Variants in CDHR3 observed in about 807,000 individuals in gnomAD.
CDHR3 encodes the protein cadherin related family member 3.
A neutral mutation model predicts 86.6 loss-of-function variants in CDHR3; 79 were observed. The ratio of observed to expected loss-of-function variants is 0.91; its 90% CI spans 0.76 to 1.10. The LOEUF (loss-of-function observed/expected upper bound fraction) is 1.10. Ranked by LOEUF, CDHR3 falls within the 50% of genes least tolerant of loss-of-function variation. The pLI, the probability that CDHR3 is intolerant of heterozygous loss-of-function variation, is 0.00. For missense variants in CDHR3, 1,081 were observed against 1,077.6 expected, an observed-to-expected ratio of 1.00 and a Z score of -0.04; for synonymous variants, 421 against 402.4, an observed-to-expected ratio of 1.05 and a Z score of -0.55.
rs549627380 is a variant in CDHR3, at chr7:106,032,911, A to G, written c.*214A>G. ...CTGAAATGATACAGGAACATTTTCT[A>G]TCAGATTTCAGAACTACCTGTGCTT... On this transcript the variant is annotated 3_prime_UTR_variant, in exon 19 of 19. Transcript: ENST00000317716. The G allele has an allele frequency of 1.6e-5, 9 of 547,272 alleles. No homozygotes were observed. The East Asian group carries it at 2.6e-4, about 16-fold the overall frequency. 33.9% of individuals were successfully genotyped at this position (547,272 alleles called of 1,614,324 possible).
rs778114183 is a variant in CDHR3, at chr7:106,030,770, G to A, written c.2305-22G>A. 1 of 1,605,548 alleles carries A rather than the reference G, an allele frequency of 6.2e-7. No individual in the cohort carries two copies. On this transcript the variant is annotated intron_variant, in intron 17 of 18. Transcript: ENST00000317716. This position sits in a 1 kb window ranked among gnomAD's most constrained non-coding sequence, Gnocchi z 4.8. ...GAAGGAATGTAGGATTGTGTTTGAT[G>A]CTGTCTCTGTCTTCTCCTTAGGAAA...
intron 12 of CDHR3, among the ~76,000 whole-genome samples, chr7:106,018,783 C>T (rs1448324313): frequency 6.6e-6 from 1 of 152,120 alleles, no homozygotes; most frequent in African/African-American, 2.4e-5. Flanking sequence ...CCTACCCTGC[C>T]TCTATGCATA....
At chr7:106,024,340 T>C (rs1457156739) in intron 14 of CDHR3, 41 bp from the exon 15 acceptor site, 1 of 1,573,718 alleles carries the variant, frequency 6.4e-7, no homozygotes, top group African/African-American at 1.3e-5. Context: ...TCAAAATCAC[T>C]ACCACCCTCT....
intron 4 of CDHR3, among the ~76,000 whole-genome samples, chr7:105,993,432 G>C (rs1831666309): frequency 6.6e-6 from 1 of 151,990 alleles, no homozygotes; most frequent in Non-Finnish European, 1.5e-5. Flanking sequence ...CACTCAGGGA[G>C]GCAGAGGCAG....
In CDHR3 at chr7:106,032,884, T is replaced by C. The variant is rs73721905; in HGVS notation, c.*187T>C. 1,339 of 584,082 alleles carry C rather than the reference T, an allele frequency of 2.3e-3. 9 individuals are homozygous for C. Among genetic ancestry groups the C allele is most frequent in the African/African-American group, 0.023 (1,223 of 53,972 alleles). The allele number at this position is 584,082 out of a possible 1,614,324, so 36.2% of individuals were successfully genotyped here. A position where few individuals can be genotyped will look rare whatever the true frequency, so the allele number is the denominator to read the frequency against. On this transcript the variant is annotated 3_prime_UTR_variant, in exon 19 of 19. Coordinates refer to ENST00000317716, the MANE Select transcript of CDHR3 (RefSeq NM_152750.5). ...AGGGGTTTGATCACATAGTTGCGTG[T>C]TCTGAAATGATACAGGAACATTTTC...
rs1838747115 is a variant in CDHR3 at position 106,034,446 on chromosome 7, G to A, written c.*1749G>A. On this transcript the variant is annotated 3_prime_UTR_variant, in exon 19 of 19. Coordinates refer to ENST00000317716, the MANE Select transcript of CDHR3 (RefSeq NM_152750.5). ...CAAATGTAGAGCTTCAGAGAGAGCA[G>A]CAGCTTGTTTACTGTGTGCCTAGTG... Among the ~76,000 whole-genome samples, 1 of 152,194 alleles carries A rather than the reference G, an allele frequency of 6.6e-6. No homozygotes were observed. The highest frequency in any genetic ancestry group is 6.5e-5 in the Admixed American group (1 of 15,286).
At position 106,022,446 on chromosome 7, in the gene CDHR3, A is replaced by AGGGT; in HGVS notation, c.2075_2076+2dup. The AGGGT allele has an allele frequency of 6.2e-7, 1 of 1,613,338 alleles. No individual in the cohort carries two copies. Among genetic ancestry groups the AGGGT allele is most frequent in the Non-Finnish European group, 8.5e-7 (1 of 1,179,396 alleles). On this transcript the variant is annotated frameshift_variant and splice_region_variant, in exon 14 of 19. Transcript: ENST00000317716. LOFTEE classifies it high-confidence loss of function. Reference sequence around the variant, plus strand: ...AACCACTATCATCACCACGACCCCCAGGGTAAGGGCTTTAGGACCTGGAAT... The same window carrying AGGGT: ...AACCACTATCATCACCACGACCCCCAGGGTGGGTAAGGGCTTTAGGACCTGGAAT...
chr7:105,983,616 T>C (rs1830098880), intron 3 of CDHR3, among the ~76,000 whole-genome samples: 1 of 152,134 alleles, frequency 6.6e-6, no homozygotes, highest in Non-Finnish European at 1.5e-5. Context: ...TACCGCCTGC[T>C]CCTCCCTCCT....
intron 1 of CDHR3, among the ~76,000 whole-genome samples, chr7:105,964,321 G>A (rs2115574246): frequency 6.6e-6 from 1 of 152,016 alleles, no homozygotes; most frequent in East Asian, 1.9e-4. Context: ...ACTGATTATT[G>A]TATGATGTAT....
At chr7:105,992,694 T>C (rs928680112) in intron 4 of CDHR3, among the ~76,000 whole-genome samples, 2 of 152,188 alleles carry the variant, frequency 1.3e-5, no homozygotes, top group Admixed American at 1.3e-4. Context: ...AGAATAGGGG[T>C]AAATGCTCAA....
At chr7:105,991,117 G>A (rs1046140632) in intron 4 of CDHR3, among the ~76,000 whole-genome samples, 1 of 152,186 alleles carries the variant, frequency 6.6e-6, no homozygotes, top group African/African-American at 2.4e-5. Flanking sequence ...AGCCAGGACT[G>A]GGGGCAGAGA....
chr7:106,010,748 C>T (rs1037188274), intron 8 of CDHR3, among the ~76,000 whole-genome samples: 3 of 152,070 alleles, frequency 2.0e-5, no homozygotes, highest in Non-Finnish European at 4.4e-5. Flanking sequence ...ATGTGCAAGG[C>T]TATTATTAGG....
intron 4 of CDHR3, among the ~76,000 whole-genome samples, chr7:105,988,974 C>A (rs1830926161): frequency 6.6e-6 from 1 of 152,176 alleles, no homozygotes; most frequent in Non-Finnish European, 1.5e-5. Flanking sequence ...TCCGTGCAGA[C>A]CAGCCACATT....
At chr7:105,970,921 C>T (rs1264101005) in intron 1 of CDHR3, among the ~76,000 whole-genome samples, 1 of 152,002 alleles carries the variant, frequency 6.6e-6, no homozygotes, top group Non-Finnish European at 1.5e-5. Context: ...GCAGGTGGAT[C>T]ACAAGGTCAG....
chr7:105,984,567 C>G (rs1339198718), intron 4 of CDHR3, among the ~76,000 whole-genome samples: 1 of 152,152 alleles, frequency 6.6e-6, no homozygotes, highest in East Asian at 1.9e-4. Flanking sequence ...GTACCAGCAG[C>G]TACTGCAGTA....
chr7:106,019,111 G>T (rs1189315019), intron 12 of CDHR3, among the ~76,000 whole-genome samples: 1 of 152,198 alleles, frequency 6.6e-6, no homozygotes, highest in Non-Finnish European at 1.5e-5. Context: ...TCAGTTAGCA[G>T]CAGGCAGCCA....
chr7:106,002,034 T>C (rs1040328630), intron 7 of CDHR3, among the ~76,000 whole-genome samples: 1 of 152,242 alleles, frequency 6.6e-6, no homozygotes, highest in African/African-American at 2.4e-5. Flanking sequence ...GTATTGGGCA[T>C]GTCTTTCTGT....
chr7:106,032,577 A>G lies in CDHR3; in HGVS notation c.2538A>G (p.Lys846=), dbSNP rs3735366. 183 of 1,614,014 alleles carry G rather than the reference A, an allele frequency of 1.1e-4. No homozygotes were observed. The East Asian group carries it at 4.0e-3, about 36-fold the overall frequency. ...GGGAAGAAGATGAGCTGAGTGGCAA[A>G]GCGTGGGCTGAGGATGCTGGTCTGG... is the stretch of plus-strand genomic sequence containing the variant. The part of the protein sequence containing the change: ...ANWEEDELSG[K]AWAEDAGLGS... The change falls in exon 19 of 19, where the codon AAA becomes AAG. Residue 846 remains lysine, a synonymous_variant. Transcript: ENST00000317716.
At chr7:105,979,173 C>T (rs1563236545) in intron 2 of CDHR3, among the ~76,000 whole-genome samples, 1 of 152,172 alleles carries the variant, frequency 6.6e-6, no homozygotes. Flanking sequence ...CCCCATTTTA[C>T]AGATGGGAAA....
Sources: allele counts gnomAD v4.1 joint callset (sites outside exome capture counted in the v4.1 genomes callset), GRCh38; gene constraint gnomAD v4.1.1; non-coding constraint Gnocchi (gnomAD v3.1); transcripts MANE v1.5; gene names NCBI Gene and HGNC (gene_info 2026-07-23, HGNC 2026-07-21).